Variants in PLEKHG2 observed in about 807,000 individuals in gnomAD.
PLEKHG2 encodes pleckstrin homology domain-containing family G member 2.
PLEKHG2 carries 71 observed loss-of-function variants against 104.4 expected under a neutral mutation model. That is an observed-to-expected ratio of 0.68 (90% confidence interval 0.56 to 0.83). The LOEUF is 0.83. PLEKHG2 is among the 40% of genes least tolerant of loss of function. PLEKHG2 has a pLI of 0.00. For synonymous variants in PLEKHG2, 728 were observed against 737.0 expected (o/e 0.99, Z 0.20); for missense variants, 1,730 against 1,809.4 (o/e 0.96, Z 0.80).
rs780695816 is a variant in PLEKHG2 at position 39,423,990 on chromosome 19, A to G, written c.2857A>G (p.Thr953Ala). The G allele has an allele frequency of 6.2e-7, 1 of 1,614,050 alleles. No homozygotes were observed. Among genetic ancestry groups the G allele is most frequent in the Non-Finnish European group, 8.5e-7 (1 of 1,179,988 alleles). The change falls in exon 19 of 19, where the codon ACA (threonine) becomes GCA (alanine). Residue 953 changes from threonine (T) to alanine (A), a missense_variant. Physicochemically the swap from Thr to Ala is moderately conservative, Grantham distance 58. Transcript: ENST00000425673. ...GSRHVQAPAA[T>A]PLPKQEGPLH... ...CCGGCATGTCCAGGCTCCAGCCGCC[A>G]CACCTTTGCCCAAGCAAGAAGGCCC...
chr19:39,416,680 C>A lies in PLEKHG2; in HGVS notation c.593+83C>A. On this transcript the variant is annotated intron_variant, in intron 6 of 18. Transcript: ENST00000425673. This position sits in a 1 kb window ranked among gnomAD's most constrained non-coding sequence, Gnocchi z 4.5. ...TCACCCGTCACCCTCCCTCTACCCC[C>A]GACCCATCCAGCACCGACCCCTGCC... The A allele has an allele frequency of 6.4e-7, 1 of 1,560,204 alleles. No individual in the cohort carries two copies. The highest frequency in any genetic ancestry group is 8.8e-7 in the Non-Finnish European group (1 of 1,135,716).
rs1467656335 is a variant in PLEKHG2, at chr19:39,418,721, T to C, written c.1084-13T>C. ...AAGGACTCTGAGCTTGCTACCCCTCTCTTTCCTTCCAGTGCTGCAACCTGA... is the reference window on the plus strand; with the variant it reads ...AAGGACTCTGAGCTTGCTACCCCTCCCTTTCCTTCCAGTGCTGCAACCTGA... On this transcript the variant is annotated splice_polypyrimidine_tract_variant and intron_variant, in intron 9 of 18. Coordinates refer to ENST00000425673, the MANE Select transcript of PLEKHG2 (RefSeq NM_022835.3). The C allele has an allele frequency of 6.2e-7, 1 of 1,607,686 alleles. No homozygotes were observed. Among genetic ancestry groups the C allele is most frequent in the South Asian group, 1.1e-5 (1 of 90,750 alleles).
At position 39,415,097 on chromosome 19, in the gene PLEKHG2, G is replaced by A; in HGVS notation, c.215G>A (p.Cys72Tyr). 6.3e-7 allele frequency: 1 copy of A among 1,593,946 alleles called. No individual in the cohort carries two copies. The highest frequency in any genetic ancestry group is 8.5e-7 in the Non-Finnish European group (1 of 1,170,452). ...CCAGCCCCTGGGCCCACTCCAGCCT[G>A]CTCAGCCTCCAGGCCAGAGCCCCTT... ...GDPAPGPTPA[C>Y]SASRPEPLPG... The change falls in exon 3 of 19, where the codon TGC becomes TAC. Residue 72 changes from cysteine (C) to tyrosine (Y), a missense_variant. Cys to Tyr is a radical substitution (Grantham distance 194, BLOSUM62 -2). Transcript: ENST00000425673. The surrounding 1 kb of genome is among the most constrained non-coding windows in gnomAD (Gnocchi z 4.6).
Position 39,415,520 on chromosome 19 carries a change from T to C in PLEKHG2, c.479+81T>C, listed in dbSNP as rs2078589588. The C allele has an allele frequency of 6.1e-6, 9 of 1,469,842 alleles. No homozygotes were observed. The highest frequency in any genetic ancestry group is 2.3e-5 in the East Asian group (1 of 43,146). The allele number at this position is 1,469,842 out of a possible 1,614,324, so 91.0% of individuals were successfully genotyped here. ...TAATCCAAACCTCGGAGCTTCGTAGTGTCCTGTCCAGGCTGGTACGTGGGG... is the reference window on the plus strand; with the variant it reads ...TAATCCAAACCTCGGAGCTTCGTAGCGTCCTGTCCAGGCTGGTACGTGGGG... On this transcript the variant is annotated intron_variant, in intron 4 of 18. Transcript: ENST00000425673. This position sits in a 1 kb window ranked among gnomAD's most constrained non-coding sequence, Gnocchi z 4.6.
Position 39,424,068 on chromosome 19 carries a change from G to A in PLEKHG2, c.2935G>A (p.Glu979Lys). 1 of 1,613,946 alleles carries A rather than the reference G, an allele frequency of 6.2e-7. No individual in the cohort carries two copies. Among genetic ancestry groups the A allele is most frequent in the Non-Finnish European group, 8.5e-7 (1 of 1,179,978 alleles). ...AACTTTCTCTGATCAAGGCCACCCA[G>A]AAATCCAAGTTCCAGCCACCACTCC... ...LTTFSDQGHP[E>K]IQVPATTPLP... The change falls in exon 19 of 19, where the codon GAA becomes AAA. Residue 979 changes from glutamate (E) to lysine (K), a missense_variant. Coordinates refer to ENST00000425673, the MANE Select transcript of PLEKHG2 (RefSeq NM_022835.3).
chr19:39,420,919 C>T (rs2078689525), intron 13 of PLEKHG2, 30 bp from the exon 14 acceptor site: 1 of 1,613,966 alleles, frequency 6.2e-7, no homozygotes, highest in African/African-American at 1.3e-5. Flanking sequence ...GAGCTGGGCT[C>T]ACACAGGGCT....
At chr19:39,419,842 C>T (rs941843285) in intron 11 of PLEKHG2, among the ~76,000 whole-genome samples, 1 of 150,678 alleles carries the variant, frequency 6.6e-6, no homozygotes, top group African/African-American at 2.4e-5. Context: ...TGCGTCACTG[C>T]GCTCTCCAGA....
In PLEKHG2 at chr19:39,417,956, G is replaced by T; in HGVS notation, c.934G>T (p.Gly312Trp). The part of the protein sequence containing the change: ...GWTGPELSAF[G>W]ELVLEGAFRG... ...GACCGGACCAGAGCTCAGTGCTTTT[G>T]GGGAACTGGTGTTGGAGGGCGCGTT... Residue 312 changes from glycine to tryptophan, a missense_variant, in exon 9 of 19, where the codon GGG (glycine) becomes TGG (tryptophan). Gly to Trp is a radical substitution (Grantham distance 184). Transcript: ENST00000425673. The T allele has an allele frequency of 6.5e-7, 1 of 1,544,952 alleles. No individual in the cohort carries two copies.
chr19:39,421,175 G>A (rs1316493098), intron 15 of PLEKHG2, 62 bp downstream of exon 15: 1 of 1,613,666 alleles, frequency 6.2e-7, no homozygotes, highest in African/African-American at 1.3e-5. Flanking sequence ...GGATGTCTGG[G>A]GCGGGTTGGG....
intron 9 of PLEKHG2, 107 bp from the exon 10 acceptor site, chr19:39,418,627 A>C: frequency 1.2e-6 from 1 of 829,966 alleles, no homozygotes. Context: ...TATGGGATGC[A>C]TCTTCCTAGG....
intron 9 of PLEKHG2, among the ~76,000 whole-genome samples, chr19:39,418,344 C>G (rs1309726668): frequency 6.6e-6 from 1 of 151,950 alleles, no homozygotes. Context: ...TTTGGGAGGT[C>G]AAGGCGGGCG....
chr19:39,424,353 C>G lies in PLEKHG2; in HGVS notation c.3220C>G (p.Pro1074Ala), dbSNP rs771850174. ...VQGPDPVCSQ[P>A]IQPLSWHGSS... is the part of the protein sequence containing the mutation. Reference sequence around the variant, plus strand: ...GGGCCCAGACCCTGTCTGCAGTCAACCCATCCAGCCTTTGTCTTGGCATGG... The same window carrying G: ...GGGCCCAGACCCTGTCTGCAGTCAAGCCATCCAGCCTTTGTCTTGGCATGG... The change falls in exon 19 of 19, where the codon CCC becomes GCC. Residue 1074 changes from proline to alanine, a missense_variant. Transcript: ENST00000425673. The G allele has an allele frequency of 1.9e-6, 3 of 1,614,058 alleles. No homozygotes were observed. The Admixed American group carries it at 5.0e-5, about 27-fold the overall frequency.
chr19:39,425,118 C>A lies in PLEKHG2; in HGVS notation c.3985C>A (p.Pro1329Thr), dbSNP rs31728. ...CCCCCAGCCCCAGCCACCACCTCCC[C>A]CAGCCAGGCGGCTCAGCTATGCCAC... Reference protein sequence around the residue: ...PPPQPQPPPPPARRLSYATTV... With the variant: ...PPPQPQPPPPTARRLSYATTV... Residue 1329 changes from proline to threonine, a missense_variant, in exon 19 of 19, where the codon CCA (proline) becomes ACA (threonine). Pro to Thr is a conservative substitution (Grantham distance 38). Coordinates refer to ENST00000425673, the MANE Select transcript of PLEKHG2 (RefSeq NM_022835.3). 6 of 1,583,438 alleles carry A rather than the reference C, an allele frequency of 3.8e-6. No homozygotes were observed. The highest frequency in any genetic ancestry group is 2.7e-5 in the African/African-American group (2 of 73,816).
At chr19:39,414,278 C>A in intron 2 of PLEKHG2, 83 bp downstream of exon 2, 2 of 1,365,014 alleles carry the variant, frequency 1.5e-6, no homozygotes, top group Non-Finnish European at 2.0e-6. Context: ...TGGAGACAAC[C>A]CCAGGCCAAC....
rs372438650 is a variant in PLEKHG2, at chr19:39,415,368, G to C, written c.408G>C (p.Gly136=). ...ACCTGGGCCCTCTGCTGGACGGCGG[G>C]GTCCTGGGGCTGAGCGTGGAGCAGG... The part of the protein sequence containing the change: ...EDYLGPLLDG[G]VLGLSVEQVG... Residue 136 remains glycine (G), a synonymous_variant, in exon 4 of 19, where the codon GGG becomes GGC. Transcript: ENST00000425673. This position sits in a 1 kb window ranked among gnomAD's most constrained non-coding sequence, Gnocchi z 4.6. 1.2e-6 allele frequency: 2 copies of C among 1,614,156 alleles called. No homozygotes were observed. Among genetic ancestry groups the C allele is most frequent in the Non-Finnish European group, 1.7e-6 (2 of 1,180,016 alleles).
chr19:39,423,339 G>T lies in PLEKHG2; in HGVS notation c.2285G>T (p.Arg762Leu). 3.7e-6 allele frequency: 6 copies of T among 1,613,954 alleles called. No individual in the cohort carries two copies. The highest frequency in any genetic ancestry group is 5.1e-6 in the Non-Finnish European group (6 of 1,179,848). The change falls in exon 18 of 19, where the codon CGC (arginine) becomes CTC (leucine). Residue 762 changes from arginine to leucine, a missense_variant. By Grantham distance (102) the Arg-to-Leu change is moderately radical. Coordinates refer to ENST00000425673, the MANE Select transcript of PLEKHG2 (RefSeq NM_022835.3). The stretch of plus-strand genomic sequence containing the variant: ...GGATTCCCAGATGAGCTGGCATTCC[G>T]CTCTTGCTCAGAAATCCGGAGCGCC... ...HQGFPDELAF[R>L]SCSEIRSAWQ...
chr19:39,413,975 C>A lies in PLEKHG2; in HGVS notation c.-22-90C>A. 1 of 858,648 alleles carries A rather than the reference C, an allele frequency of 1.2e-6. No individual in the cohort carries two copies. The highest frequency in any genetic ancestry group is 1.8e-6 in the Non-Finnish European group (1 of 562,658). The allele number at this position is 858,648 out of a possible 1,614,324, so 53.2% of individuals were successfully genotyped here. ...CAGGGGCCCCTCCCTGGATTTACAC[C>A]ACGCTCCTAATTCCCAGCCCCCATC... On this transcript the variant is annotated intron_variant, in intron 1 of 18. Transcript: ENST00000425673. The surrounding 1 kb of genome is among the most constrained non-coding windows in gnomAD (Gnocchi z 4.5).
At chr19:39,422,580 G>T (rs2078716651) in intron 17 of PLEKHG2, 152 bp from the exon 18 acceptor site, 1 of 980,334 alleles carries the variant, frequency 1.0e-6, no homozygotes, top group East Asian at 3.0e-5. Flanking sequence ...GTAGAGACAG[G>T]GTTTCACTAT....
In PLEKHG2 at chr19:39,415,130, C is replaced by G. The variant is rs1268387880; in HGVS notation, c.248C>G (p.Pro83Arg). 2 of 1,599,580 alleles carry G rather than the reference C, an allele frequency of 1.3e-6. No homozygotes were observed. Among genetic ancestry groups the G allele is most frequent in the Admixed American group, 3.4e-5 (2 of 58,410 alleles). Reference sequence around the variant, plus strand: ...TCCAGGCCAGAGCCCCTTCCAGGGCCTCCCATCCGCCTACATCTCTCTCCG... The same window carrying G: ...TCCAGGCCAGAGCCCCTTCCAGGGCGTCCCATCCGCCTACATCTCTCTCCG... ...SASRPEPLPG[P>R]PIRLHLSPVG... Residue 83 changes from proline (P) to arginine (R), a missense_variant, in exon 3 of 19, where the codon CCT becomes CGT. By Grantham distance (103) the Pro-to-Arg change is moderately radical. Coordinates refer to ENST00000425673, the MANE Select transcript of PLEKHG2 (RefSeq NM_022835.3). The surrounding 1 kb of genome is among the most constrained non-coding windows in gnomAD (Gnocchi z 4.6).
Sources: allele counts gnomAD v4.1 joint callset (sites outside exome capture counted in the v4.1 genomes callset), GRCh38; gene constraint gnomAD v4.1.1; non-coding constraint Gnocchi (gnomAD v3.1); transcripts MANE v1.5; gene names NCBI Gene and HGNC (gene_info 2026-07-23, HGNC 2026-07-21).